The following FSTL4 variants were observed in gnomAD, a reference collection of about 807,000 sequenced individuals.
FSTL4 encodes follistatin-related protein 4.
FSTL4 carries 28 observed loss-of-function variants against 78.2 expected under a neutral mutation model. The observed-to-expected ratio is 0.36, with a 90% CI of 0.27 to 0.49. The LOEUF (loss-of-function observed/expected upper bound fraction) is 0.49, where lower values mean the gene tolerates loss of function less well. FSTL4 is among the 20% of genes least tolerant of loss of function. The pLI is 0.98. For synonymous variants in FSTL4, 422 were observed against 440.5 expected, an observed-to-expected ratio of 0.96 and a Z score of 0.53; for missense variants, 922 against 1,084.9, an observed-to-expected ratio of 0.85 and a Z score of 2.11.
At chr5:133,769,581 T>C in the FSTL4 span, among the ~76,000 whole-genome samples, 1 of 152,076 alleles carries the variant, frequency 6.6e-6, no homozygotes, top group Non-Finnish European at 1.5e-5. Flanking sequence ...AAGGGGCCCC[T>C]AGCTCTGCCC....
the FSTL4 span, among the ~76,000 whole-genome samples, chr5:133,683,851 T>C: frequency 0.082 from 12,439 of 152,124 alleles, 578 homozygotes; most frequent in East Asian, 0.17. Flanking sequence ...TGCTGGATGG[T>C]GCCGCAGGAG....
chr5:133,489,871 C>T (rs113949326), intron 3 of FSTL4, among the ~76,000 whole-genome samples: 1 of 152,166 alleles, frequency 6.6e-6, no homozygotes, highest in African/African-American at 2.4e-5. Flanking sequence ...ACCTCTAGCC[C>T]TGAAAGCCAG....
the FSTL4 span, among the ~76,000 whole-genome samples, chr5:133,711,921 A>G: frequency 6.6e-6 from 1 of 152,172 alleles, no homozygotes; most frequent in Non-Finnish European, 1.5e-5. Flanking sequence ...ACAACAGCAC[A>G]CAGAGATGTT....
At chr5:133,397,339 T>C (rs1756083849) in intron 4 of FSTL4, among the ~76,000 whole-genome samples, 1 of 152,242 alleles carries the variant, frequency 6.6e-6, no homozygotes, top group South Asian at 2.1e-4. Context: ...AAGAGATACA[T>C]CTTTCCCACA....
the FSTL4 span, among the ~76,000 whole-genome samples, chr5:133,718,198 TTC>T: frequency 6.6e-6 from 1 of 152,120 alleles, no homozygotes; most frequent in Non-Finnish European, 1.5e-5. Context: ...GTTCAAGCGA[TTC>T]TCTTGCCTCA....
chr5:133,767,315 T>TGTAGAGTGG, the FSTL4 span, among the ~76,000 whole-genome samples: 1 of 152,074 alleles, frequency 6.6e-6, no homozygotes, highest in Non-Finnish European at 1.5e-5. Context: ...CATGTGCCCT[T>TGTAGAGTGG]GTAGAGTGGG....
chr5:133,275,082 T>A (rs1752850243), intron 6 of FSTL4, among the ~76,000 whole-genome samples: 1 of 151,180 alleles, frequency 6.6e-6, no homozygotes, highest in East Asian at 1.9e-4. Flanking sequence ...GCCAACATGG[T>A]GAAACCCTGT....
intron 2 of FSTL4, among the ~76,000 whole-genome samples, chr5:133,602,112 A>G (rs1003510030): frequency 4.3e-4 from 65 of 152,148 alleles, no homozygotes; most frequent in African/African-American, 1.5e-3. Context: ...TAATACTGCA[A>G]AAACAAAAGC....
At chr5:133,616,570 T>A (rs920995718), upstream of FSTL4, among the ~76,000 whole-genome samples, 1 of 151,750 alleles carries the variant, frequency 6.6e-6, no homozygotes, top group East Asian at 1.9e-4. Context: ...CCCAGGTAAT[T>A]TTTGTACTTT....
the FSTL4 span, among the ~76,000 whole-genome samples, chr5:133,634,077 G>T: frequency 6.6e-6 from 1 of 152,090 alleles, no homozygotes; most frequent in East Asian, 1.9e-4. Flanking sequence ...TCTCCACTAG[G>T]CCTCCTCCAA....
chr5:133,708,951 T>G, the FSTL4 span, among the ~76,000 whole-genome samples: 214 of 152,312 alleles, frequency 1.4e-3, no homozygotes, highest in Non-Finnish European at 2.4e-3. Context: ...CTCCACTATA[T>G]TCACACCAGG....
chr5:133,454,157 C>T (rs952937654), intron 3 of FSTL4, among the ~76,000 whole-genome samples: 6 of 151,788 alleles, frequency 4.0e-5, no homozygotes, highest in African/African-American at 9.7e-5. Flanking sequence ...ATTTGGTACC[C>T]TAGCAACCAA....
intron 3 of FSTL4, among the ~76,000 whole-genome samples, chr5:133,502,592 T>C (rs1468347032): frequency 1.3e-5 from 2 of 152,156 alleles, no homozygotes; most frequent in African/African-American, 2.4e-5. Flanking sequence ...GTGCTGTTCA[T>C]GTGAAATGAG....
At chr5:133,353,830 C>T (rs530748464) in intron 4 of FSTL4, among the ~76,000 whole-genome samples, 6 of 152,346 alleles carry the variant, frequency 3.9e-5, no homozygotes, top group South Asian at 4.1e-4. Flanking sequence ...TGCAGTGGCA[C>T]TTCCCAGAGG....
chr5:133,685,403 A>G, the FSTL4 span, among the ~76,000 whole-genome samples: 1 of 152,212 alleles, frequency 6.6e-6, no homozygotes, highest in South Asian at 2.1e-4. Context: ...AAATGGTCCA[A>G]AGAGAAAATC....
At chr5:133,343,366 C>A (rs1385599307) in intron 4 of FSTL4, among the ~76,000 whole-genome samples, 1 of 152,196 alleles carries the variant, frequency 6.6e-6, no homozygotes, top group African/African-American at 2.4e-5. Flanking sequence ...AGACAGCCTG[C>A]AGCCAGCATC....
chr5:133,252,054 G>C (rs1292507431), intron 6 of FSTL4: 1 of 152,316 alleles, frequency 6.6e-6, no homozygotes, highest in Non-Finnish European at 1.5e-5. Context: ...TCAGAAGCCA[G>C]CCGGGGAGAG....
intron 3 of FSTL4, among the ~76,000 whole-genome samples, chr5:133,546,283 G>A (rs1192672856): frequency 6.6e-6 from 1 of 152,204 alleles, no homozygotes; most frequent in East Asian, 1.9e-4. Context: ...AAGGTGGGTG[G>A]ATTACCTCAG....
intron 3 of FSTL4, among the ~76,000 whole-genome samples, chr5:133,448,750 G>T (rs1296640921): frequency 3.0e-5 from 4 of 134,062 alleles, no homozygotes; most frequent in Admixed American, 1.5e-4. Flanking sequence ...GGGGGGGGGG[G>T]GCGCTCAGAA....
Sources: allele counts gnomAD v4.1 joint callset (sites outside exome capture counted in the v4.1 genomes callset), GRCh38; gene constraint gnomAD v4.1.1; transcripts MANE v1.5; gene names NCBI Gene and HGNC (gene_info 2026-07-23, HGNC 2026-07-21).